The following ARHGEF3 variants were observed in gnomAD, a reference collection of about 807,000 sequenced individuals.
ARHGEF3 encodes 59.8 kDA protein.
A neutral mutation model predicts 63.2 loss-of-function variants in ARHGEF3; 28 were observed. The ratio of observed to expected loss-of-function variants is 0.44; its 90% CI spans 0.33 to 0.61. The LOEUF (loss-of-function observed/expected upper bound fraction) is 0.61. ARHGEF3 is among the 20% of genes least tolerant of loss of function. The pLI, the probability that ARHGEF3 is intolerant of heterozygous loss-of-function variation, is 0.03. For synonymous variants in ARHGEF3, 266 were observed against 254.2 expected (o/e 1.05, Z -0.44); for missense variants, 533 against 659.3 (o/e 0.81, Z 2.10).
intron 2 of ARHGEF3, among the ~76,000 whole-genome samples, chr3:57,002,681 T>C (rs928378301): frequency 6.7e-6 from 1 of 149,036 alleles, no homozygotes; most frequent in African/African-American, 2.5e-5. Flanking sequence ...ACACACATTA[T>C]TTCGTCACCC....
chr3:56,844,048 AAGATTC>A (rs2108119620), intron 4 of ARHGEF3, among the ~76,000 whole-genome samples: 1 of 152,364 alleles, frequency 6.6e-6, no homozygotes, highest in Admixed American at 6.5e-5. Context: ...GGTCACTGGC[AAGATTC>A]TGTAAGAAAA....
At chr3:56,846,006 C>T (rs1032389576) in intron 4 of ARHGEF3, among the ~76,000 whole-genome samples, 2 of 152,314 alleles carry the variant, frequency 1.3e-5, no homozygotes, top group African/African-American at 2.4e-5. Context: ...CAGCATCACT[C>T]GCTCTCTCGC....
chr3:56,998,097 A>G (rs554676755), intron 2 of ARHGEF3, among the ~76,000 whole-genome samples: 51 of 152,220 alleles, frequency 3.4e-4, no homozygotes, highest in Non-Finnish European at 6.8e-4. Context: ...AATCAGTAAC[A>G]TCGCAAACTG....
At chr3:56,890,757 T>G (rs1233388792) in intron 3 of ARHGEF3, among the ~76,000 whole-genome samples, 1 of 152,218 alleles carries the variant, frequency 6.6e-6, no homozygotes, top group Non-Finnish European at 1.5e-5. Flanking sequence ...TTGAACTGAT[T>G]AGTGTCAGAA....
At chr3:57,059,686 G>A (rs1705116485) in intron 1 of ARHGEF3, among the ~76,000 whole-genome samples, 1 of 152,132 alleles carries the variant, frequency 6.6e-6, no homozygotes, top group African/African-American at 2.4e-5. Flanking sequence ...CTGATGGGGT[G>A]ACAATGAGGC....
Position 56,968,918 on chromosome 3 carries a change from A to G in ARHGEF3, c.63-10029T>C, listed in dbSNP as rs539329692. Among the ~76,000 whole-genome samples, 4 of 152,320 alleles carry G rather than the reference A, an allele frequency of 2.6e-5. 1 individual carries two copies. The South Asian group carries it at 8.3e-4, about 32-fold the overall frequency. On this transcript the variant is annotated intron_variant, in intron 2 of 12. Transcript: ENST00000338458. ...AGAAAAATAAGGCATTCCGTTTCCA[A>G]TAACCTCTGACTGTGAAAATCCACT...
chr3:57,070,165 G>T lies in ARHGEF3; in HGVS notation c.-28+9061C>A, dbSNP rs1325624868. Among the ~76,000 whole-genome samples the T allele has an allele frequency of 2.0e-5, 3 of 152,112 alleles. No individual in the cohort carries two copies. In the East Asian group the frequency reaches 5.8e-4, roughly 29 times the overall value. Reference sequence around the variant, plus strand: ...CACCTGGTGCCTCCAGGGCTGTGGGGTCTCCCAGTTCCCACCACACTTCTC... The same window carrying T: ...CACCTGGTGCCTCCAGGGCTGTGGGTTCTCCCAGTTCCCACCACACTTCTC... On this transcript the variant is annotated intron_variant, in intron 1 of 12. Coordinates refer to the ARHGEF3 transcript ENST00000338458.
At chr3:56,917,571 G>A (rs1373490992) in intron 3 of ARHGEF3, among the ~76,000 whole-genome samples, 2 of 152,100 alleles carry the variant, frequency 1.3e-5, no homozygotes, top group African/African-American at 2.4e-5. Flanking sequence ...TTCCATTCAC[G>A]TTGCCAGAAA....
intron 1 of ARHGEF3, among the ~76,000 whole-genome samples, chr3:57,060,107 C>A (rs1348095819): frequency 6.6e-6 from 1 of 152,056 alleles, no homozygotes; most frequent in Non-Finnish European, 1.5e-5. Flanking sequence ...ATCACTTGAG[C>A]CTAGGAGTTC....
chr3:56,782,089 T>C (rs2036591433), intron 1 of ARHGEF3, among the ~76,000 whole-genome samples: 1 of 152,220 alleles, frequency 6.6e-6, no homozygotes, highest in Non-Finnish European at 1.5e-5. Flanking sequence ...TGACTCTTCA[T>C]CTTATTTTTT....
intron 4 of ARHGEF3, among the ~76,000 whole-genome samples, chr3:56,827,665 A>G (rs1449727015): frequency 6.8e-6 from 1 of 146,246 alleles, no homozygotes; most frequent in Non-Finnish European, 1.5e-5. Context: ...CCATAATCCT[A>G]GCACTTTGGG....
chr3:56,914,134 G>A (rs2041925990), intron 3 of ARHGEF3, among the ~76,000 whole-genome samples: 1 of 152,210 alleles, frequency 6.6e-6, no homozygotes, highest in African/African-American at 2.4e-5. Context: ...GGGGAAGGGT[G>A]AGAGAGGAGT....
chr3:56,769,474 T>C (rs2035892192), intron 2 of ARHGEF3, among the ~76,000 whole-genome samples: 2 of 152,248 alleles, frequency 1.3e-5, no homozygotes, highest in Admixed American at 1.3e-4. Flanking sequence ...GCAGTCAGGC[T>C]GTCCCTCCCC....
At chr3:56,745,986 A>T (rs998818158) in intron 6 of ARHGEF3, among the ~76,000 whole-genome samples, 13 of 152,222 alleles carry the variant, frequency 8.5e-5, no homozygotes. Flanking sequence ...GAACAATTTA[A>T]GCTTAAAGAC....
At chr3:56,806,615 T>G (rs149419566), upstream of ARHGEF3, among the ~76,000 whole-genome samples, 642 of 152,354 alleles carry the variant, frequency 4.2e-3, 3 homozygotes, top group African/African-American at 0.015. Context: ...GTCTTGCCTG[T>G]GTTGAGCGGG....
chr3:56,748,671 G>GA (rs1221376260), intron 6 of ARHGEF3, among the ~76,000 whole-genome samples: 1 of 150,442 alleles, frequency 6.6e-6, no homozygotes, highest in African/African-American at 2.4e-5. Context: ...TTTCATCATT[G>GA]AAAAAACGTT....
chr3:56,827,725 G>C (rs1392976282), intron 4 of ARHGEF3, among the ~76,000 whole-genome samples: 1 of 138,406 alleles, frequency 7.2e-6, no homozygotes, highest in Non-Finnish European at 1.5e-5. Flanking sequence ...AGACCAGCCT[G>C]GGCAACGTGG....
At chr3:56,931,314 G>A (rs899812396) in intron 3 of ARHGEF3, among the ~76,000 whole-genome samples, 2 of 151,958 alleles carry the variant, frequency 1.3e-5, no homozygotes, top group Admixed American at 1.3e-4. Flanking sequence ...AGTGGCTCAC[G>A]CTTGTAATCC....
chr3:57,036,944 C>T (rs1703988632), intron 1 of ARHGEF3, among the ~76,000 whole-genome samples: 1 of 152,212 alleles, frequency 6.6e-6, no homozygotes, highest in African/African-American at 2.4e-5. Flanking sequence ...TCTAGGTGAG[C>T]AGGACCTACA....
Sources: gnomAD v4.1 joint callset for allele counts (sites outside exome capture counted in the v4.1 genomes callset) on GRCh38, gnomAD v4.1.1 for gene constraint, MANE v1.5 for transcripts, NCBI Gene and HGNC (gene_info 2026-07-23, HGNC 2026-07-21) for gene names.